Variants in LRRC28 observed in about 807,000 individuals in gnomAD.
LRRC28 encodes the protein leucine-rich repeat-containing protein 28.
LRRC28 carries 39 observed loss-of-function variants against 45.7 expected under a neutral mutation model. The observed-to-expected ratio is 0.85, with a 90% CI of 0.66 to 1.12. The LOEUF (loss-of-function observed/expected upper bound fraction) is 1.12. Among genes scored for constraint, LRRC28 ranks in the 50% most tolerant of loss-of-function variants. The probability of loss-of-function intolerance (pLI) is 0.00; values close to 1 mark genes in which losing one functional copy is unlikely to be tolerated. For synonymous variants in LRRC28, 206 were observed against 178.8 expected (o/e 1.15, Z -1.22); for missense variants, 435 against 438.5 (o/e 0.99, Z 0.07).
At chr15:99,334,680 CATATT>C (rs1956267888) in intron 6 of LRRC28, among the ~76,000 whole-genome samples, 1 of 152,054 alleles carries the variant, frequency 6.6e-6, no homozygotes, top group Admixed American at 6.6e-5. Context: ...CCCATTTTGA[CATATT>C]ATATGTCATA....
chr15:99,292,670 A>G (rs1205459203), intron 5 of LRRC28, among the ~76,000 whole-genome samples: 1 of 152,172 alleles, frequency 6.6e-6, no homozygotes, highest in Non-Finnish European at 1.5e-5. Context: ...AGCCTCGTAC[A>G]GTCTTTCTAT....
intron 9 of LRRC28, among the ~76,000 whole-genome samples, chr15:99,365,457 A>G (rs534456167): frequency 1.2e-4 from 18 of 152,264 alleles, no homozygotes; most frequent in Non-Finnish European, 2.4e-4. Context: ...TCAGCCCACC[A>G]GGCTGTGCTC....
At chr15:99,381,853 C>A (rs1957836369) in intron 9 of LRRC28, among the ~76,000 whole-genome samples, 1 of 152,246 alleles carries the variant, frequency 6.6e-6, no homozygotes, top group Non-Finnish European at 1.5e-5. Context: ...GCAAATATTG[C>A]TGAACAGCAA....
At chr15:99,358,078 T>C (rs28651946) in intron 7 of LRRC28, among the ~76,000 whole-genome samples, 32,793 of 152,062 alleles carry the variant, frequency 0.22, 4,335 homozygotes, top group African/African-American at 0.38. Flanking sequence ...CCAAAAAAAA[T>C]CTTTCAGACA....
In LRRC28 at chr15:99,389,584, T is replaced by C. The variant is rs1958124515; in HGVS notation, c.*3482T>C. The C allele has an allele frequency of 6.6e-6, 1 of 152,218 alleles. No homozygotes were observed. The highest frequency in any genetic ancestry group is 2.1e-4 in the South Asian group (1 of 4,830). 9.4% of individuals were successfully genotyped at this position (152,218 alleles called of 1,614,324 possible). ...ACTAATGTTGCAACCTGATAAAATTTGAGATGTAAATTCATTTCACAGACT... is the reference window on the plus strand; with the variant it reads ...ACTAATGTTGCAACCTGATAAAATTCGAGATGTAAATTCATTTCACAGACT... On this transcript the variant is annotated 3_prime_UTR_variant, in exon 10 of 10. Coordinates refer to ENST00000301981, the MANE Select transcript of LRRC28 (RefSeq NM_144598.5).
At chr15:99,259,568 T>C in intron 2 of LRRC28, 1 of 1,434,754 alleles carries the variant, frequency 7.0e-7, no homozygotes, top group Non-Finnish European at 9.8e-7. Context: ...GGCCAGCCAG[T>C]ACGGGTGGTC....
chr15:99,322,791 A>G (rs1158214673), intron 5 of LRRC28, among the ~76,000 whole-genome samples: 3 of 152,162 alleles, frequency 2.0e-5, no homozygotes, highest in Non-Finnish European at 4.4e-5. Context: ...ATGTTGTTGC[A>G]AAGGTGGGCA....
chr15:99,328,002 C>T (rs1216840752), intron 5 of LRRC28, among the ~76,000 whole-genome samples: 1 of 152,096 alleles, frequency 6.6e-6, no homozygotes, highest in Non-Finnish European at 1.5e-5. Context: ...GTTTAATTTC[C>T]AAATACGGGG....
intron 5 of LRRC28, among the ~76,000 whole-genome samples, chr15:99,298,315 G>T (rs2082317537): frequency 6.6e-6 from 1 of 152,182 alleles, no homozygotes. Context: ...GGTTAAGGAG[G>T]GCTTAAGGAG....
intron 6 of LRRC28, among the ~76,000 whole-genome samples, chr15:99,337,180 C>T (rs763660523): frequency 9.2e-5 from 14 of 152,224 alleles, no homozygotes; most frequent in Non-Finnish European, 1.8e-4. Context: ...GCCACTCATT[C>T]CTGCCTTTCT....
intron 3 of LRRC28, among the ~76,000 whole-genome samples, chr15:99,279,662 G>A (rs1423097227): frequency 6.6e-6 from 1 of 152,210 alleles, no homozygotes; most frequent in African/African-American, 2.4e-5. Context: ...ACTAGAGCAA[G>A]CGAAAATACC....
At chr15:99,315,623 C>T (rs1184450814) in intron 5 of LRRC28, among the ~76,000 whole-genome samples, 1 of 151,942 alleles carries the variant, frequency 6.6e-6, no homozygotes, top group Non-Finnish European at 1.5e-5. Context: ...CCAGCTATTA[C>T]CTGGTTTTGT....
At chr15:99,268,523 A>G (rs1044602161) in intron 2 of LRRC28, among the ~76,000 whole-genome samples, 13 of 152,164 alleles carry the variant, frequency 8.5e-5, no homozygotes, top group African/African-American at 2.9e-4. Flanking sequence ...TTCATTTTTC[A>G]GGCATTCACT....
chr15:99,292,425 T>C (rs12592452), intron 5 of LRRC28, among the ~76,000 whole-genome samples: 52,113 of 143,826 alleles, frequency 0.36, 10,236 homozygotes, highest in African/African-American at 0.54. Context: ...ACTGCAGTGG[T>C]GCAATCTCGG....
At chr15:99,292,406 G>A (rs561844352) in intron 5 of LRRC28, among the ~76,000 whole-genome samples, 69 of 136,900 alleles carry the variant, frequency 5.0e-4, no homozygotes, top group African/African-American at 1.7e-3. Flanking sequence ...CGCCCAGGCC[G>A]GACTGCGGAC....
At chr15:99,374,200 T>C (rs943904499) in intron 9 of LRRC28, among the ~76,000 whole-genome samples, 8 of 152,152 alleles carry the variant, frequency 5.3e-5, no homozygotes, top group Non-Finnish European at 1.2e-4. Flanking sequence ...GGTTGACATA[T>C]ATGCTATGTT....
At chr15:99,272,119 A>G (rs535416110) in intron 2 of LRRC28, among the ~76,000 whole-genome samples, 2 of 152,324 alleles carry the variant, frequency 1.3e-5, no homozygotes, top group African/African-American at 4.8e-5. Flanking sequence ...TATAGCTTGT[A>G]TAACAACCCA....
intron 5 of LRRC28, among the ~76,000 whole-genome samples, chr15:99,323,926 T>C (rs535047910): frequency 3.3e-5 from 5 of 152,324 alleles, no homozygotes; most frequent in South Asian, 2.1e-4. Flanking sequence ...GGTTTGAACC[T>C]ATTTGTACGT....
chr15:99,355,659 G>A (rs1957026260), intron 7 of LRRC28: 1 of 151,424 alleles, frequency 6.6e-6, no homozygotes, highest in East Asian at 1.9e-4. Context: ...ATGGTAATTG[G>A]CACATATACT....
Sources: allele counts gnomAD v4.1 joint callset (sites outside exome capture counted in the v4.1 genomes callset), GRCh38; gene constraint gnomAD v4.1.1; transcripts MANE v1.5; gene names NCBI Gene and HGNC (gene_info 2026-07-23, HGNC 2026-07-21).